The following OSBPL2 variants were observed in gnomAD, a reference collection of about 807,000 sequenced individuals.
OSBPL2 encodes oxysterol-binding protein-related protein 2.
A neutral mutation model predicts 58.4 loss-of-function variants in OSBPL2; 18 were observed. The ratio of observed to expected loss-of-function variants is 0.31; its 90% confidence interval spans 0.21 to 0.46. OSBPL2 has a LOEUF of 0.46. OSBPL2 is among the 20% of genes least tolerant of loss of function. The pLI, the probability that OSBPL2 is intolerant of heterozygous loss-of-function variation, is 1.00. For missense variants in OSBPL2, 461 were observed against 616.5 expected (o/e 0.75, Z 2.67); for synonymous variants, 221 against 234.1 (o/e 0.94, Z 0.51).
intron 10 of OSBPL2, 71 bp from the exon 11 acceptor site, chr20:62,286,512 G>A: frequency 6.5e-7 from 1 of 1,544,760 alleles, no homozygotes; most frequent in East Asian, 2.3e-5. Context: ...AAGGCGCTCT[G>A]AGAATAGCTG....
chr20:62,245,143 G>C (rs1455691969), intron 1 of OSBPL2, among the ~76,000 whole-genome samples: 1 of 151,206 alleles, frequency 6.6e-6, no homozygotes, highest in Non-Finnish European at 1.5e-5. Context: ...CTGTCGCCCA[G>C]GCTGAAGTGC....
At chr20:62,272,052 G>T in intron 4 of OSBPL2, 73 bp from the exon 5 acceptor site, 1 of 1,571,284 alleles carries the variant, frequency 6.4e-7, no homozygotes, top group Non-Finnish European at 8.7e-7. Flanking sequence ...GGGATGCTCA[G>T]AGCAGGGGCA....
In OSBPL2 at chr20:62,281,972, G is replaced by A. The variant is rs943944678; in HGVS notation, c.872+93G>A. 1.2e-5 allele frequency: 9 copies of A among 767,174 alleles called. No individual in the cohort carries two copies. In the East Asian group the frequency reaches 1.5e-4, roughly 13 times the overall value. 47.5% of individuals were successfully genotyped at this position (767,174 alleles called of 1,614,324 possible). On this transcript the variant is annotated intron_variant, in intron 9 of 13. Transcript: ENST00000313733. ...TGCTCCTGGGCCTGCGTGTGCCTAC[G>A]TGCATGAGACGCGGGTACACCAGTG...
At chr20:62,291,191 C>T (rs150567827) in intron 12 of OSBPL2, 2,892 of 194,230 alleles carry the variant, frequency 0.015, 35 homozygotes, top group Non-Finnish European at 0.021. Context: ...GAGAGAAACC[C>T]AGCTCACGAG....
At chr20:62,243,513 G>C (rs1266772008) in intron 1 of OSBPL2, among the ~76,000 whole-genome samples, 1 of 152,196 alleles carries the variant, frequency 6.6e-6, no homozygotes, top group African/African-American at 2.4e-5. Context: ...TGTCAGGGTA[G>C]AAGGCTCCTG....
intron 12 of OSBPL2, among the ~76,000 whole-genome samples, chr20:62,290,502 C>T (rs903274793): frequency 1.4e-4 from 20 of 145,490 alleles, no homozygotes; most frequent in African/African-American, 4.9e-4. Flanking sequence ...CTGCAAGCTC[C>T]GCCTTCTGGG....
intron 6 of OSBPL2, among the ~76,000 whole-genome samples, chr20:62,274,996 C>T (rs1209012891): frequency 6.6e-6 from 1 of 152,110 alleles, no homozygotes; most frequent in African/African-American, 2.4e-5. Context: ...AGAGAGTGCT[C>T]TTTATAGAAA....
intron 9 of OSBPL2, among the ~76,000 whole-genome samples, chr20:62,283,332 G>T (rs1398537839): frequency 6.6e-6 from 1 of 152,174 alleles, no homozygotes; most frequent in Non-Finnish European, 1.5e-5. Flanking sequence ...GGCTCTGCAG[G>T]CACTGCAGTG....
At chr20:62,286,155 T>C in intron 10 of OSBPL2, 1 of 174,888 alleles carries the variant, frequency 5.7e-6, no homozygotes, top group Non-Finnish European at 1.2e-5. Flanking sequence ...CTCCTTAGTT[T>C]AAGAAAAAAA....
chr20:62,259,411 A>G (rs931402512), intron 2 of OSBPL2, among the ~76,000 whole-genome samples: 1 of 152,230 alleles, frequency 6.6e-6, no homozygotes, highest in East Asian at 1.9e-4. Context: ...CTCCTTCTCC[A>G]GAGTCCCCCT....
intron 4 of OSBPL2, among the ~76,000 whole-genome samples, chr20:62,267,086 C>T (rs1981720330): frequency 6.6e-6 from 1 of 152,210 alleles, no homozygotes; most frequent in Admixed American, 6.5e-5. Flanking sequence ...CCCATCTCTA[C>T]AAAAAAGAAT....
chr20:62,243,438 C>CG (rs879909366), intron 1 of OSBPL2, among the ~76,000 whole-genome samples: 146 of 143,382 alleles, frequency 1.0e-3, no homozygotes, highest in Middle Eastern at 3.4e-3. Flanking sequence ...TGCCCCGCAG[C>CG]CCCTGCCCCG....
chr20:62,280,172 C>A, intron 7 of OSBPL2: 1 of 1,176,976 alleles, frequency 8.5e-7, no homozygotes. Context: ...GCAGCAGGTC[C>A]TAACAAATAC....
Position 62,289,320 on chromosome 20 carries a change from T to C in OSBPL2, c.1239T>C (p.Asn413=), listed in dbSNP as rs1477409500. ...GCCCTGACATCCGCGGCATGGAGAA[T>C]GGCAACATGGGTGCGTCCACGCAGT... is the stretch of plus-strand genomic sequence containing the variant. ...RLRPDIRGME[N]GNMDLASQEK... is the part of the protein sequence containing the mutation. Residue 413 remains asparagine, a synonymous_variant, in exon 12 of 14, where the codon AAT becomes AAC. Coordinates refer to ENST00000313733, the MANE Select transcript of OSBPL2 (RefSeq NM_144498.4). 1 of 1,612,772 alleles carries C rather than the reference T, an allele frequency of 6.2e-7. No homozygotes were observed.
intron 4 of OSBPL2, among the ~76,000 whole-genome samples, chr20:62,267,666 G>A (rs146847444): frequency 0.011 from 1,668 of 152,220 alleles, 34 homozygotes; most frequent in African/African-American, 0.038. Context: ...TCATGTCTGC[G>A]TCTCTTTTCT....
At chr20:62,244,117 G>T (rs1308766491) in intron 1 of OSBPL2, among the ~76,000 whole-genome samples, 1 of 152,196 alleles carries the variant, frequency 6.6e-6, no homozygotes, top group Non-Finnish European at 1.5e-5. Context: ...ACTCCAGCAA[G>T]CCAGCCACTC....
intron 10 of OSBPL2, chr20:62,284,477 A>G: frequency 5.5e-6 from 2 of 364,534 alleles, no homozygotes; most frequent in East Asian, 1.1e-4. Context: ...ACCAGGCTCA[A>G]GCAATCCTCC....
intron 7 of OSBPL2, chr20:62,280,284 A>G (rs879540659): frequency 1.8e-4 from 72 of 410,740 alleles, no homozygotes; most frequent in Middle Eastern, 8.9e-4. Context: ...AGGTTCCACA[A>G]GGACCTGGAG....
At chr20:62,289,172 C>T (rs1257665984) in intron 11 of OSBPL2, 35 bp from the exon 12 acceptor site, 25 of 1,611,630 alleles carry the variant, frequency 1.6e-5, no homozygotes, top group Middle Eastern at 1.6e-4. Flanking sequence ...TTCAGAGGCC[C>T]TGCTGAGGTC....
Sources: allele counts gnomAD v4.1 joint callset (sites outside exome capture counted in the v4.1 genomes callset), GRCh38; gene constraint gnomAD v4.1.1; transcripts MANE v1.5; gene names NCBI Gene and HGNC (gene_info 2026-07-23, HGNC 2026-07-21).